RGS6: variants seen among roughly 807,000 people sequenced by gnomAD.
RGS6 encodes regulator of G-protein signaling 6.
A neutral mutation model predicts 78.5 loss-of-function variants in RGS6; 30 were observed. The ratio of observed to expected loss-of-function variants is 0.38; its 90% CI spans 0.29 to 0.52. The LOEUF is 0.52. Among genes scored for constraint, RGS6 ranks in the 20% least tolerant of loss-of-function variants. RGS6 has a pLI of 0.85. For missense variants in RGS6, 495 were observed against 609.7 expected, an observed-to-expected ratio of 0.81 and a Z score of 1.98; for synonymous variants, 206 against 206.0, an observed-to-expected ratio of 1.00 and a Z score of 0.00.
intron 2 of RGS6, among the ~76,000 whole-genome samples, chr14:72,090,704 G>A (rs913176841): frequency 2.0e-5 from 3 of 152,162 alleles, no homozygotes; most frequent in Non-Finnish European, 4.4e-5. Flanking sequence ...GAAAAGGTGG[G>A]TCTTCTTAGA....
Position 72,467,679 on chromosome 14 carries a change from C to A in RGS6, c.459+1857C>A, listed in dbSNP as rs931118921. 7.9e-5 allele frequency among the ~76,000 whole-genome samples: 12 copies of A among 152,256 alleles called. No homozygotes were observed. The East Asian group carries it at 1.3e-3, about 17-fold the overall frequency. On this transcript the variant is annotated intron_variant, in intron 7 of 17. Coordinates refer to ENST00000553525, the MANE Select transcript of RGS6 (RefSeq NM_001204424.2). ...AAGCAGTGCAGCAGTTTGTCCAGAGCCCTCAGGACCTGGCTAGAGTTTGCA... is the reference window on the plus strand; with the variant it reads ...AAGCAGTGCAGCAGTTTGTCCAGAGACCTCAGGACCTGGCTAGAGTTTGCA...
chr14:72,177,997 T>C (rs2097128590), intron 2 of RGS6, among the ~76,000 whole-genome samples: 1 of 152,208 alleles, frequency 6.6e-6, no homozygotes, highest in African/African-American at 2.4e-5. Flanking sequence ...TTTTGCTCCC[T>C]ACCAGACAAC....
intron 2 of RGS6, among the ~76,000 whole-genome samples, chr14:72,275,415 T>C (rs1466403582): frequency 6.6e-6 from 1 of 152,154 alleles, no homozygotes; most frequent in African/African-American, 2.4e-5. Flanking sequence ...CACTGGAAGA[T>C]TGGGTACGAA....
chr14:72,191,225 A>T (rs937636266), intron 2 of RGS6, among the ~76,000 whole-genome samples: 48 of 152,216 alleles, frequency 3.2e-4, no homozygotes, highest in African/African-American at 1.1e-3. Context: ...AGTAGTCAAG[A>T]TAAATAATAT....
At chr14:72,211,916 T>A (rs2153766106) in intron 2 of RGS6, among the ~76,000 whole-genome samples, 1 of 152,276 alleles carries the variant, frequency 6.6e-6, no homozygotes, top group Middle Eastern at 3.4e-3. Context: ...AATTAGAAAC[T>A]AGACATGGCC....
intron 2 of RGS6, among the ~76,000 whole-genome samples, chr14:72,276,477 TA>T (rs2060686191): frequency 6.6e-6 from 1 of 152,326 alleles, no homozygotes; most frequent in African/African-American, 2.4e-5. Context: ...AAAAAATGTC[TA>T]AAAAACCTCC....
chr14:72,348,162 C>T (rs777735065), intron 2 of RGS6, among the ~76,000 whole-genome samples: 7 of 101,988 alleles, frequency 6.9e-5, no homozygotes, highest in Middle Eastern at 4.2e-3. Context: ...GAACCTAATA[C>T]GCTACTCAGA....
intron 2 of RGS6, among the ~76,000 whole-genome samples, chr14:72,154,245 A>G (rs2096737391): frequency 6.6e-6 from 1 of 151,978 alleles, no homozygotes; most frequent in Admixed American, 6.6e-5. Flanking sequence ...AGTCGCTGTT[A>G]TTCTGTTCTT....
chr14:72,417,540 C>A (rs992087996), intron 3 of RGS6, among the ~76,000 whole-genome samples: 2 of 152,192 alleles, frequency 1.3e-5, no homozygotes, highest in Non-Finnish European at 2.9e-5. Context: ...TTTGTAGACC[C>A]TCTGGCACTC....
intron 2 of RGS6, among the ~76,000 whole-genome samples, chr14:72,143,242 G>A (rs903473941): frequency 6.6e-6 from 1 of 151,956 alleles, no homozygotes; most frequent in African/African-American, 2.4e-5. Context: ...GCGTGGTGGT[G>A]GGCGTCTGTA....
intron 1 of RGS6, among the ~76,000 whole-genome samples, chr14:71,957,805 G>T (rs116354970): frequency 2.0e-5 from 3 of 151,972 alleles, no homozygotes; most frequent in East Asian, 3.9e-4. Context: ...TCACCCTGTC[G>T]CCCTGGCTGG....
intron 2 of RGS6, among the ~76,000 whole-genome samples, chr14:72,081,435 C>G (rs1206196179): frequency 6.6e-6 from 1 of 151,886 alleles, no homozygotes; most frequent in Non-Finnish European, 1.5e-5. Flanking sequence ...TATTGGTATA[C>G]TTTCTTGAGT....
At chr14:72,377,752 A>G (rs1384760946) in intron 3 of RGS6, among the ~76,000 whole-genome samples, 1 of 152,160 alleles carries the variant, frequency 6.6e-6, no homozygotes, top group Non-Finnish European at 1.5e-5. Context: ...ACAATGCAGG[A>G]GGATTGTTTG....
chr14:72,043,214 C>A (rs1342610450), intron 2 of RGS6, among the ~76,000 whole-genome samples: 1 of 151,960 alleles, frequency 6.6e-6, no homozygotes, highest in Non-Finnish European at 1.5e-5. Flanking sequence ...TTTTAATTGT[C>A]TTATGTTATT....
At chr14:72,510,866 GA>G (rs1339581752) in intron 14 of RGS6, among the ~76,000 whole-genome samples, 1 of 152,186 alleles carries the variant, frequency 6.6e-6, no homozygotes, top group Non-Finnish European at 1.5e-5. Flanking sequence ...TGACGCCAGT[GA>G]GAACACCTGA....
chr14:72,052,987 C>CTT (rs1567106192), intron 2 of RGS6, among the ~76,000 whole-genome samples: 2,359 of 53,884 alleles, frequency 0.044, 46 homozygotes, highest in Middle Eastern at 0.065. Flanking sequence ...CTTTCTTTCT[C>CTT]TCTCTCTCTC....
chr14:72,278,183 C>T (rs2060995888), intron 2 of RGS6, among the ~76,000 whole-genome samples: 1 of 152,176 alleles, frequency 6.6e-6, no homozygotes, highest in African/African-American at 2.4e-5. Context: ...CTTTAACATA[C>T]AAACATGTAT....
intron 2 of RGS6, among the ~76,000 whole-genome samples, chr14:72,277,355 T>G (rs1028925671): frequency 2.0e-5 from 3 of 152,170 alleles, no homozygotes; most frequent in African/African-American, 7.2e-5. Flanking sequence ...CCCAGCACTT[T>G]GGGAGGCCGA....
chr14:72,224,191 G>A (rs1313851797), intron 2 of RGS6, among the ~76,000 whole-genome samples: 1 of 152,136 alleles, frequency 6.6e-6, no homozygotes, highest in Non-Finnish European at 1.5e-5. Flanking sequence ...GGCCAAGGTG[G>A]GCAGATTGCT....
Sources: gnomAD v4.1 joint callset for allele counts (sites outside exome capture counted in the v4.1 genomes callset) on GRCh38, gnomAD v4.1.1 for gene constraint, MANE v1.5 for transcripts, NCBI Gene and HGNC (gene_info 2026-07-23, HGNC 2026-07-21) for gene names.